The following KIF13A variants were observed in gnomAD, a reference collection of about 807,000 sequenced individuals.
The protein encoded by KIF13A is kinesin-like protein KIF13A.
A neutral mutation model predicts 212.2 loss-of-function variants in KIF13A; 79 were observed. That is an observed-to-expected ratio of 0.37 (90% CI 0.31 to 0.45). The LOEUF is 0.45. Among genes scored for constraint, KIF13A ranks in the 20% least tolerant of loss-of-function variants. The pLI is 1.00. For missense variants in KIF13A, 1,901 were observed against 2,209.0 expected, an observed-to-expected ratio of 0.86 and a Z score of 2.79; for synonymous variants, 789 against 808.6, an observed-to-expected ratio of 0.98 and a Z score of 0.41.
rs558443314 is a variant in KIF13A, at chr6:17,911,760, C to T, written c.147-13580G>A. ...CATAGCACAGCAAGGTGACTATAGT[C>T]AATAATAATTTTTTTTTTTTTTGAG... is the stretch of plus-strand genomic sequence containing the variant. On this transcript the variant is annotated intron_variant, in intron 2 of 38. Transcript: ENST00000259711. Among the ~76,000 whole-genome samples the T allele has an allele frequency of 3.4e-5, 4 of 116,866 alleles. No homozygotes were observed. The East Asian group carries it at 1.1e-3, about 33-fold the overall frequency. The allele number at this position is 116,866 out of a possible 152,430, so 76.7% of individuals were successfully genotyped here. A position where few individuals can be genotyped will look rare whatever the true frequency, so the allele number is the denominator to read the frequency against.
chr6:17,915,954 TAAA>T lies in KIF13A; in HGVS notation c.147-17777_147-17775del, dbSNP rs1460946503. Among the ~76,000 whole-genome samples the T allele has an allele frequency of 3.2e-5, 4 of 124,986 alleles. No individual in the cohort carries two copies. Among genetic ancestry groups the T allele is most frequent in the African/African-American group, 1.3e-4 (4 of 30,394 alleles). 82.0% of individuals were successfully genotyped at this position (124,986 alleles called of 152,430 possible). A position where few individuals can be genotyped will look rare whatever the true frequency, so the allele number is the denominator to read the frequency against. On this transcript the variant is annotated intron_variant, in intron 2 of 38. Transcript: ENST00000259711. The surrounding 1 kb of genome is among the most constrained non-coding windows in gnomAD (Gnocchi z 4.4). Reference sequence around the variant, plus strand: ...CCAGTCTCAAAAAAAAAAATAAAAATAAAAATAAAATAAAATAAAATAAATTAC... The same window carrying T: ...CCAGTCTCAAAAAAAAAAATAAAAATAATAAAATAAAATAAAATAAATTAC...
intron 3 of KIF13A, among the ~76,000 whole-genome samples, chr6:17,891,336 G>A (rs1481086062): frequency 6.6e-6 from 1 of 152,098 alleles, no homozygotes; most frequent in Non-Finnish European, 1.5e-5. Flanking sequence ...AATTTATAAA[G>A]ACAGAAACTT....
intron 23 of KIF13A, among the ~76,000 whole-genome samples, chr6:17,795,905 T>C (rs934293008): frequency 4.6e-5 from 7 of 152,202 alleles, no homozygotes; most frequent in African/African-American, 1.7e-4. Flanking sequence ...GTAGGCATTA[T>C]AGTTTAAGTT....
chr6:17,973,356 A>T (rs1266658097), intron 2 of KIF13A, among the ~76,000 whole-genome samples: 1 of 152,214 alleles, frequency 6.6e-6, no homozygotes, highest in Non-Finnish European at 1.5e-5. Flanking sequence ...AATGTCTGTA[A>T]GGAATCCAGG....
rs1026309541 is a variant in KIF13A, at chr6:17,897,259, T to A, written c.159+909A>T. ...GAAAGTAAGCTTTGTCTTTTCTGGA[T>A]TCCATGCCGTCACCCAACTTGTCTT... On this transcript the variant is annotated intron_variant, in intron 3 of 38. Coordinates refer to ENST00000259711, the MANE Select transcript of KIF13A (RefSeq NM_022113.6). This position sits in a 1 kb window ranked among gnomAD's most constrained non-coding sequence, Gnocchi z 4.8. Among the ~76,000 whole-genome samples the A allele has an allele frequency of 6.6e-6, 1 of 152,156 alleles. No individual in the cohort carries two copies. The highest frequency in any genetic ancestry group is 2.4e-5 in the African/African-American group (1 of 41,432).
chr6:17,825,484 A>T lies in KIF13A; in HGVS notation c.1786+284T>A, dbSNP rs10807619. Among the ~76,000 whole-genome samples, 40,437 of 152,028 alleles carry T rather than the reference A, an allele frequency of 0.27. 5,507 individuals carry two copies. Among genetic ancestry groups the T allele is most frequent in the Admixed American group, 0.35 (5,284 of 15,264 alleles). On this transcript the variant is annotated intron_variant, in intron 16 of 38. Coordinates refer to ENST00000259711, the MANE Select transcript of KIF13A (RefSeq NM_022113.6). This position sits in a 1 kb window ranked among gnomAD's most constrained non-coding sequence, Gnocchi z 4.5. ...AGAAATTTGGTAAGGAATTTTGTCA[A>T]AATCATTCAGTACTCTAGGCCCGTG...
intron 16 of KIF13A, among the ~76,000 whole-genome samples, chr6:17,823,451 T>C (rs1372665855): frequency 7.2e-6 from 1 of 138,040 alleles, no homozygotes; most frequent in African/African-American, 2.6e-5. Context: ...CCTCCCTCTC[T>C]TTTTCCTTCC....
intron 3 of KIF13A, among the ~76,000 whole-genome samples, chr6:17,889,417 A>C (rs1771838557): frequency 6.6e-6 from 1 of 152,250 alleles, no homozygotes; most frequent in African/African-American, 2.4e-5. Flanking sequence ...AATTTAATTC[A>C]CAAGCTCTAA....
rs1376268204 is a variant in KIF13A at position 17,888,893 on chromosome 6, T to C, written c.159+9275A>G. On this transcript the variant is annotated intron_variant, in intron 3 of 38. Coordinates refer to ENST00000259711, the MANE Select transcript of KIF13A (RefSeq NM_022113.6). This position sits in a 1 kb window ranked among gnomAD's most constrained non-coding sequence, Gnocchi z 4.8. ...AAATAATAATATATTTAACCAAATA[T>C]ATAAAAAATCTTATATTCTTTTTCT... is the stretch of plus-strand genomic sequence containing the variant. 6.6e-6 allele frequency among the ~76,000 whole-genome samples: 1 copy of C among 152,080 alleles called. No homozygotes were observed. Among genetic ancestry groups the C allele is most frequent in the Non-Finnish European group, 1.5e-5 (1 of 68,014 alleles).
chr6:17,836,272 A>G (rs1765941254), intron 11 of KIF13A, among the ~76,000 whole-genome samples: 1 of 152,230 alleles, frequency 6.6e-6, no homozygotes, highest in Non-Finnish European at 1.5e-5. Flanking sequence ...ACAAGGAGAT[A>G]ACACCTAACT....
intron 2 of KIF13A, among the ~76,000 whole-genome samples, chr6:17,904,407 G>A (rs1773313109): frequency 6.6e-6 from 1 of 152,104 alleles, no homozygotes; most frequent in African/African-American, 2.4e-5. Context: ...AGCGGAGGTT[G>A]CAGTGAGCCG....
At chr6:17,862,134 G>C (rs562019136) in intron 4 of KIF13A, among the ~76,000 whole-genome samples, 1 of 152,250 alleles carries the variant, frequency 6.6e-6, no homozygotes, top group South Asian at 2.1e-4. Context: ...TCCTGCATCA[G>C]CCTCCCAAAC....
At position 17,764,647 on chromosome 6, in the gene KIF13A, C is replaced by T. The variant is rs56327112; in HGVS notation, c.4881G>A (p.Thr1627=). The change falls in exon 39 of 39, where the codon ACG becomes ACA. Residue 1627 remains threonine, a synonymous_variant. Transcript: ENST00000259711. The surrounding 1 kb of genome is among the most constrained non-coding windows in gnomAD (Gnocchi z 5.1). ...AGTGCTCGGTGGAGTCTGCATCCTT[C>T]GTCTGAATGGCCAGCTGGTCTGAGC... ...SDSSDQLAIQ[T]KDADSTEHST... 364 of 1,610,710 alleles carry T rather than the reference C, an allele frequency of 2.3e-4. 2 individuals are homozygous for T. The African/African-American group carries it at 4.1e-3, about 18-fold the overall frequency.
At chr6:17,767,448 T>G (rs1331343033) in intron 38 of KIF13A, among the ~76,000 whole-genome samples, 3 of 151,598 alleles carry the variant, frequency 2.0e-5, no homozygotes, top group South Asian at 2.1e-4. Context: ...AGAGACAGGA[T>G]TTCACCATGT....
In KIF13A at chr6:17,838,112, A is replaced by T. The variant is rs1766148486; in HGVS notation, c.831-529T>A. Among the ~76,000 whole-genome samples the T allele has an allele frequency of 1.3e-5, 2 of 152,114 alleles. No homozygotes were observed. Among genetic ancestry groups the T allele is most frequent in the Non-Finnish European group, 2.9e-5 (2 of 68,008 alleles). ...CAGGTGGATCATGAGGTCAGGGGTC[A>T]GGAGATCAAGACCATCCTGGCCAAC... On this transcript the variant is annotated intron_variant, in intron 9 of 38. Coordinates refer to ENST00000259711, the MANE Select transcript of KIF13A (RefSeq NM_022113.6). This position sits in a 1 kb window ranked among gnomAD's most constrained non-coding sequence, Gnocchi z 4.2.
rs1346433808 is a variant in KIF13A at position 17,776,200 on chromosome 6, G to A, written c.4170+1077C>T. Among the ~76,000 whole-genome samples the A allele has an allele frequency of 6.6e-6, 1 of 152,034 alleles. No homozygotes were observed. Among genetic ancestry groups the A allele is most frequent in the Non-Finnish European group, 1.5e-5 (1 of 68,008 alleles). ...ATCTTCTTTACTTTTTAAGCTAGAT[G>A]TTTACCTAATTCTTTTTTACTCTAC... On this transcript the variant is annotated intron_variant, in intron 34 of 38. Coordinates refer to ENST00000259711, the MANE Select transcript of KIF13A (RefSeq NM_022113.6). The surrounding 1 kb of genome is among the most constrained non-coding windows in gnomAD (Gnocchi z 4.6).
chr6:17,926,479 G>C lies in KIF13A; in HGVS notation c.147-28299C>G, dbSNP rs1775510799. 6.6e-6 allele frequency among the ~76,000 whole-genome samples: 1 copy of C among 152,122 alleles called. No individual in the cohort carries two copies. The highest frequency in any genetic ancestry group is 1.5e-5 in the Non-Finnish European group (1 of 68,026). The stretch of plus-strand genomic sequence containing the variant: ...AACTCCAGCCTCAAGTGATCTGCCT[G>C]CCTCGGCCTCCCAAAGTGCTGGTAT... On this transcript the variant is annotated intron_variant, in intron 2 of 38. Transcript: ENST00000259711. This position sits in a 1 kb window ranked among gnomAD's most constrained non-coding sequence, Gnocchi z 4.3.
intron 2 of KIF13A, among the ~76,000 whole-genome samples, chr6:17,937,335 G>A (rs1339343500): frequency 2.0e-5 from 3 of 152,300 alleles, no homozygotes; most frequent in Admixed American, 6.5e-5. Flanking sequence ...TCAAGAGAAA[G>A]CACACCCTCA....
chr6:17,826,122 G>A lies in KIF13A; in HGVS notation c.1535C>T (p.Ser512Phe), dbSNP rs914476784. ...GCACACAAGGGTGCCGTTCACACAG[G>A]ACCTGGGAGAACACGAGGGAAAATA... The part of the protein sequence containing the change: ...VTLTPKENAR[S>F]CVNGTLVCST... Residue 512 changes from serine to phenylalanine, a missense_variant and splice_region_variant, in exon 15 of 39, where the codon TCC becomes TTC. Physicochemically the swap from Ser to Phe is radical, Grantham distance 155. Around this residue, in one of 5 missense-constraint regions of KIF13A, gnomAD observed 506 missense variants for 637.4 expected, o/e 0.79. Transcript: ENST00000259711. The surrounding 1 kb of genome is among the most constrained non-coding windows in gnomAD (Gnocchi z 4.7). 6.2e-7 allele frequency: 1 copy of A among 1,613,354 alleles called. No homozygotes were observed. Among genetic ancestry groups the A allele is most frequent in the African/African-American group, 1.3e-5 (1 of 74,926 alleles).
Sources: gnomAD v4.1 joint callset for allele counts (sites outside exome capture counted in the v4.1 genomes callset) on GRCh38, gnomAD v4.1.1 for gene constraint, gnomAD v4.1.1 regional missense constraint, Gnocchi (gnomAD v3.1) non-coding constraint, MANE v1.5 for transcripts, NCBI Gene and HGNC (gene_info 2026-07-23, HGNC 2026-07-21) for gene names.